The following SLC30A8 variants were observed in gnomAD, a reference collection of about 807,000 sequenced individuals.
SLC30A8 encodes proton-coupled zinc antiporter SLC30A8.
Under a neutral mutation model 36.9 loss-of-function variants are expected in SLC30A8, and 27 were observed. The observed-to-expected ratio is 0.73, with a 90% CI of 0.54 to 1.01. SLC30A8 has a LOEUF of 1.01. Ranked by LOEUF, SLC30A8 falls within the 50% of genes least tolerant of loss-of-function variation. The pLI is 0.00. For synonymous variants in SLC30A8, 164 were observed against 172.4 expected (o/e 0.95, Z 0.38); for missense variants, 439 against 452.0 (o/e 0.97, Z 0.26).
In SLC30A8 at chr8:117,049,153, G is replaced by T. The variant is rs535698136; in HGVS notation, c.-226+9895G>T. On this transcript the variant is annotated intron_variant, in intron 2 of 10. Coordinates refer to the SLC30A8 transcript ENST00000427715. ...CTAAGCAAGTAGGGAGATTTTGGGG[G>T]TATGCAGGACTTTGTGTCCCTCAAG... Among the ~76,000 whole-genome samples, 24 of 152,260 alleles carry T rather than the reference G, an allele frequency of 1.6e-4. No individual in the cohort carries two copies. In the East Asian group the frequency reaches 4.4e-3, roughly 28 times the overall value.
intron 1 of SLC30A8, among the ~76,000 whole-genome samples, chr8:117,032,671 C>T (rs919400840): frequency 2.0e-5 from 3 of 152,170 alleles, no homozygotes; most frequent in Non-Finnish European, 4.4e-5. Context: ...GGGCAGATAA[C>T]CTGAGGTCAG....
chr8:117,022,190 A>G (rs1228410448), intron 1 of SLC30A8, among the ~76,000 whole-genome samples: 5 of 120,886 alleles, frequency 4.1e-5, no homozygotes, highest in African/African-American at 1.8e-4. Context: ...AAAGAGCAAG[A>G]CTCCGTCTCA....
chr8:117,001,598 G>C (rs1400695496), intron 1 of SLC30A8, among the ~76,000 whole-genome samples: 5 of 152,164 alleles, frequency 3.3e-5, no homozygotes, highest in African/African-American at 1.2e-4. Context: ...AAATATTCAG[G>C]TGACTAGAAT....
rs1242547998 is a variant in SLC30A8 at position 117,171,139 on chromosome 8, A to G, written c.935A>G (p.Gln312Arg). The change falls in exon 7 of 8, where the codon CAA becomes CGA. Residue 312 changes from glutamine to arginine, a missense_variant. By Grantham distance (43) the Gln-to-Arg change is conservative (BLOSUM62 1). Transcript: ENST00000456015. Reference sequence around the variant, plus strand: ...CACATCTGGTCTCTAACAATGAATCAAGTAATTCTCTCAGCTCATGTTGCT... The same window carrying G: ...CACATCTGGTCTCTAACAATGAATCGAGTAATTCTCTCAGCTCATGTTGCT... The part of the protein sequence containing the change: ...SLHIWSLTMN[Q>R]VILSAHVATA... 6.2e-7 allele frequency: 1 copy of G among 1,613,540 alleles called. No individual in the cohort carries two copies. The highest frequency in any genetic ancestry group is 8.5e-7 in the Non-Finnish European group (1 of 1,179,630).
At chr8:117,051,588 C>T (rs193262218) in intron 2 of SLC30A8, among the ~76,000 whole-genome samples, 1,632 of 152,002 alleles carry the variant, frequency 0.011, 23 homozygotes, top group African/African-American at 0.037. Flanking sequence ...CTGAGGCGGG[C>T]GGATCACAAG....
intron 1 of SLC30A8, among the ~76,000 whole-genome samples, chr8:117,013,996 G>T (rs1414917863): frequency 6.6e-6 from 1 of 152,064 alleles, no homozygotes; most frequent in Non-Finnish European, 1.5e-5. Flanking sequence ...TTTGAAAAAA[G>T]TGTGAAACAG....
At chr8:117,047,610 A>C (rs1161089199) in intron 2 of SLC30A8, among the ~76,000 whole-genome samples, 1 of 152,094 alleles carries the variant, frequency 6.6e-6, no homozygotes, top group East Asian at 1.9e-4. Flanking sequence ...GCTGAGAAGT[A>C]AAAAAGGTCA....
intron 2 of SLC30A8, among the ~76,000 whole-genome samples, chr8:117,116,996 A>G (rs114571715): frequency 0.013 from 2,010 of 152,078 alleles, 44 homozygotes; most frequent in African/African-American, 0.046. Context: ...TGTGGCTTCT[A>G]CGCCCTCAGA....
At chr8:117,165,505 C>T (rs912628534) in intron 6 of SLC30A8, among the ~76,000 whole-genome samples, 2 of 152,156 alleles carry the variant, frequency 1.3e-5, no homozygotes, top group East Asian at 3.8e-4. Context: ...AGAATAAATC[C>T]ATCTTCATTA....
At chr8:117,032,515 CA>C (rs1268415015) in intron 1 of SLC30A8, among the ~76,000 whole-genome samples, 5 of 152,218 alleles carry the variant, frequency 3.3e-5, no homozygotes, top group Non-Finnish European at 7.3e-5. Flanking sequence ...ATTCACTAAA[CA>C]CTCAACATGT....
At chr8:117,141,320 C>T (rs917656606) in intron 1 of SLC30A8, among the ~76,000 whole-genome samples, 2 of 152,058 alleles carry the variant, frequency 1.3e-5, no homozygotes, top group African/African-American at 4.8e-5. Context: ...AAATTACGAA[C>T]AATGATAAAA....
At chr8:116,964,722 T>C (rs1004804073) in intron 1 of SLC30A8, among the ~76,000 whole-genome samples, 2 of 152,196 alleles carry the variant, frequency 1.3e-5, no homozygotes, top group African/African-American at 4.8e-5. Flanking sequence ...TTCTCTAATT[T>C]AACATTTCTA....
intron 2 of SLC30A8, among the ~76,000 whole-genome samples, chr8:117,125,421 C>G (rs1820862598): frequency 6.6e-6 from 1 of 151,990 alleles, no homozygotes; most frequent in South Asian, 2.1e-4. Context: ...TCAGACAGCA[C>G]TAACATGTTA....
intron 1 of SLC30A8, among the ~76,000 whole-genome samples, chr8:116,953,253 T>G (rs890560992): frequency 6.6e-6 from 1 of 152,170 alleles, no homozygotes; most frequent in African/African-American, 2.4e-5. Flanking sequence ...CGTACCACAT[T>G]TTTTTTCAAT....
At chr8:117,036,891 C>CT (rs1817231691) in intron 1 of SLC30A8, among the ~76,000 whole-genome samples, 1 of 152,098 alleles carries the variant, frequency 6.6e-6, no homozygotes, top group Admixed American at 6.5e-5. Flanking sequence ...GCTCCAAGGC[C>CT]TTGATACTTT....
intron 1 of SLC30A8, among the ~76,000 whole-genome samples, chr8:117,142,607 T>C (rs999707236): frequency 6.6e-6 from 1 of 152,154 alleles, no homozygotes; most frequent in African/African-American, 2.4e-5. Context: ...AAGAAAATCC[T>C]TCTTGTCTTT....
At chr8:117,002,610 G>A (rs1239176421) in intron 1 of SLC30A8, among the ~76,000 whole-genome samples, 2 of 151,888 alleles carry the variant, frequency 1.3e-5, no homozygotes, top group African/African-American at 4.8e-5. Flanking sequence ...TTTTGTTTTT[G>A]TTTTTGTTTT....
At chr8:116,950,617 A>G (rs927678275), upstream of SLC30A8, 1 of 152,226 alleles carries the variant, frequency 6.6e-6, no homozygotes, top group Non-Finnish European at 1.5e-5. Flanking sequence ...AGGTTTAGCA[A>G]ACTGTCAGAA....
At position 116,994,421 on chromosome 8, in the gene SLC30A8, A is replaced by G. The variant is rs904121783; in HGVS notation, c.-266+43302A>G. Among the ~76,000 whole-genome samples, 3 of 152,104 alleles carry G rather than the reference A, an allele frequency of 2.0e-5. No homozygotes were observed. In the East Asian group the frequency reaches 5.8e-4, roughly 29 times the overall value. On this transcript the variant is annotated intron_variant, in intron 1 of 10. Transcript: ENST00000427715. ...TTCAGGCAGTGTCAAATGGAAAAAC[A>G]AATTGTGGCAGGTCACTTGATAGAA...
Sources: gnomAD v4.1 joint callset for allele counts (sites outside exome capture counted in the v4.1 genomes callset) on GRCh38, gnomAD v4.1.1 for gene constraint, MANE v1.5 for transcripts, NCBI Gene and HGNC (gene_info 2026-07-23, HGNC 2026-07-21) for gene names.